The following CRHR2 variants were observed in gnomAD, a reference collection of about 807,000 sequenced individuals.
CRHR2 encodes the protein corticotropin-releasing hormone receptor 2.
Under a neutral mutation model 57.9 loss-of-function variants are expected in CRHR2, and 53 were observed. That is an observed-to-expected ratio of 0.92 (90% CI 0.73 to 1.15). The LOEUF (loss-of-function observed/expected upper bound fraction) is 1.15, where lower values mean the gene tolerates loss of function less well. Ranked by LOEUF, CRHR2 falls within the 50% of genes most tolerant of loss-of-function variation. The probability of loss-of-function intolerance (pLI) is 0.00; values close to 1 mark genes in which losing one functional copy is unlikely to be tolerated. For missense variants in CRHR2, 532 were observed against 542.6 expected (o/e 0.98, Z 0.19); for synonymous variants, 213 against 220.9 (o/e 0.96, Z 0.32).
chr7:30,669,923 C>T (rs1157471485), intron 2 of CRHR2, among the ~76,000 whole-genome samples: 1 of 152,096 alleles, frequency 6.6e-6, no homozygotes, highest in African/African-American at 2.4e-5. Context: ...CCTTCTTACC[C>T]ACTGCTCACG....
chr7:30,661,210 G>A (rs878908879), intron 7 of CRHR2, among the ~76,000 whole-genome samples: 1 of 152,192 alleles, frequency 6.6e-6, no homozygotes, highest in Admixed American at 6.5e-5. Flanking sequence ...TTCATTCTCC[G>A]GGGATGCTGG....
chr7:30,699,893 G>C, intron 1 of CRHR2: 1 of 1,417,024 alleles, frequency 7.1e-7, no homozygotes, highest in Non-Finnish European at 9.4e-7. Context: ...AGAGCTGGGA[G>C]CTCCGTGCTC....
Position 30,653,554 on chromosome 7 carries a change from T to C in CRHR2, c.1142A>G (p.His381Arg). Residue 381 changes from histidine (H) to arginine (R), a missense_variant, in exon 12 of 12, where the codon CAC becomes CGC. Physicochemically the swap from His to Arg is conservative, Grantham distance 29. Transcript: ENST00000471646. This position sits in a 1 kb window ranked among gnomAD's most constrained non-coding sequence, Gnocchi z 5.0. ...RKRWHRWQDH[H>R]SLRVPMARAM... ...CCGGGCCATGGGGACTCGAAGGGAG[T>C]GATGGTCCTGCCAGCGGTGCCACCT... 1 of 1,612,472 alleles carries C rather than the reference T, an allele frequency of 6.2e-7. No individual in the cohort carries two copies. Among genetic ancestry groups the C allele is most frequent in the Non-Finnish European group, 8.5e-7 (1 of 1,179,718 alleles).
At chr7:30,686,840 T>C (rs988376450), upstream of CRHR2, among the ~76,000 whole-genome samples, 1 of 152,234 alleles carries the variant, frequency 6.6e-6, no homozygotes, top group Non-Finnish European at 1.5e-5. Context: ...TACAATTGAA[T>C]TGATCATAGA....
At chr7:30,677,075 AGGACC>A (rs1447241063) in intron 2 of CRHR2, among the ~76,000 whole-genome samples, 3 of 152,224 alleles carry the variant, frequency 2.0e-5, no homozygotes, top group African/African-American at 7.2e-5. Flanking sequence ...TGCAGCCAAA[AGGACC>A]GTAGGGACAG....
chr7:30,687,899 G>A lies in CRHR2; in HGVS notation c.-166-1284C>T, dbSNP rs117721971. On this transcript the variant is annotated intron_variant, in intron 2 of 13. Coordinates refer to the CRHR2 transcript ENST00000341843. Reference sequence around the variant, plus strand: ...CTGATGCTGGCATGGCCTGTGCTAGGTGTCCCCGTGGGCTCTCATTCAGCC... The same window carrying A: ...CTGATGCTGGCATGGCCTGTGCTAGATGTCCCCGTGGGCTCTCATTCAGCC... Among the ~76,000 whole-genome samples, 832 of 152,344 alleles carry A rather than the reference G, an allele frequency of 5.5e-3. 3 individuals are homozygous for A. The highest frequency in any genetic ancestry group is 9.2e-3 in the Non-Finnish European group (624 of 68,036).
chr7:30,679,705 G>A (rs1052897120), intron 2 of CRHR2, among the ~76,000 whole-genome samples: 3 of 152,190 alleles, frequency 2.0e-5, no homozygotes, highest in African/African-American at 7.2e-5. Flanking sequence ...GAACGCTCCT[G>A]TTCTTCCCCT....
exon 2 of CRHR2, chr7:30,689,283 G>C: frequency 1.3e-6 from 2 of 1,550,206 alleles, no homozygotes; most frequent in Non-Finnish European, 1.7e-6. Context: ...CTGCCCGGCT[G>C]CCTAGGGGAC....
chr7:30,661,142 G>C (rs1017841459), intron 7 of CRHR2, among the ~76,000 whole-genome samples: 15 of 152,222 alleles, frequency 9.9e-5, no homozygotes, highest in African/African-American at 3.6e-4. Context: ...GCCAATGCTT[G>C]TGCACCCAGT....
chr7:30,678,103 C>A (rs997982744), intron 2 of CRHR2, among the ~76,000 whole-genome samples: 1 of 152,200 alleles, frequency 6.6e-6, no homozygotes. Flanking sequence ...AGGGCCAGCT[C>A]TGCCCTGTGT....
chr7:30,658,053 TG>T (rs767038164), intron 8 of CRHR2, among the ~76,000 whole-genome samples: 8 of 152,336 alleles, frequency 5.3e-5, no homozygotes, highest in Admixed American at 2.0e-4. Flanking sequence ...TTTAGTTATG[TG>T]GCCCCACTCA....
chr7:30,655,393 T>C (rs1783743850), intron 10 of CRHR2, among the ~76,000 whole-genome samples, 187 bp downstream of exon 10: 1 of 152,174 alleles, frequency 6.6e-6, no homozygotes. Context: ...GCTGGTAGGA[T>C]GAAGACCCAG....
In CRHR2 at chr7:30,655,198, G is replaced by T. The variant is rs1783735941; in HGVS notation, c.1054-118C>A. On this transcript the variant is annotated intron_variant, in intron 10 of 11. Coordinates refer to ENST00000471646, the MANE Select transcript of CRHR2 (RefSeq NM_001883.5). ...GGGACAATTTGACCCAGGAACCCCT[G>T]GAGTCAGAGCTGGGTGGGGTCCTAG... The T allele has an allele frequency of 2.0e-5, 24 of 1,182,184 alleles. No homozygotes were observed. The South Asian group carries it at 3.4e-4, about 17-fold the overall frequency. The allele number at this position is 1,182,184 out of a possible 1,614,324, so 73.2% of individuals were successfully genotyped here. A position where few individuals can be genotyped will look rare whatever the true frequency, so the allele number is the denominator to read the frequency against.
intron 5 of CRHR2, 39 bp from the exon 6 acceptor site, chr7:30,662,886 G>T (rs753008930): frequency 2.2e-5 from 35 of 1,607,648 alleles, no homozygotes; most frequent in Non-Finnish European, 3.0e-5. Context: ...AGGCAGCTTG[G>T]GGCCCAGGTA....
upstream of CRHR2, chr7:30,686,351 G>T (rs1474243093): frequency 6.6e-7 from 1 of 1,503,968 alleles, no homozygotes; most frequent in African/African-American, 1.4e-5. Context: ...GAATGCTCTA[G>T]ACTTCAGCCC....
chr7:30,655,185 C>A lies in CRHR2; in HGVS notation c.1054-105G>T, dbSNP rs934853465. 6.9e-6 allele frequency: 9 copies of A among 1,295,100 alleles called. 1 individual carries two copies. The Admixed American group carries it at 1.8e-4, about 27-fold the overall frequency. The allele number at this position is 1,295,100 out of a possible 1,614,324, so 80.2% of individuals were successfully genotyped here. On this transcript the variant is annotated intron_variant, in intron 10 of 11. Coordinates refer to ENST00000471646, the MANE Select transcript of CRHR2 (RefSeq NM_001883.5). ...AGATGGTGGGGGGGGGACAATTTGA[C>A]CCAGGAACCCCTGGAGTCAGAGCTG... is the stretch of plus-strand genomic sequence containing the variant.
At position 30,662,759 on chromosome 7, in the gene CRHR2, G is replaced by A. The variant is rs778651155; in HGVS notation, c.632C>T (p.Thr211Met). ...WMFVEGCYLHTAIVMTYSTER... is the reference protein window; with the variant it reads ...WMFVEGCYLHMAIVMTYSTER... ...AGTGGAGTAGGTCATGACAATGGCC[G>A]TGTGCAGGTAGCAGCCTTCCACAAA... Residue 211 changes from threonine (T) to methionine (M), a missense_variant, in exon 6 of 12, where the codon ACG becomes ATG. Physicochemically the swap from Thr to Met is moderately conservative, Grantham distance 81 (BLOSUM62 -1). Coordinates refer to ENST00000471646, the MANE Select transcript of CRHR2 (RefSeq NM_001883.5). The A allele has an allele frequency of 5.5e-5, 89 of 1,614,094 alleles. No individual in the cohort carries two copies. The highest frequency in any genetic ancestry group is 6.7e-5 in the Admixed American group (4 of 60,010).
intron 3 of CRHR2, among the ~76,000 whole-genome samples, chr7:30,666,549 C>T (rs373742048): frequency 1.3e-5 from 2 of 152,218 alleles, no homozygotes; most frequent in African/African-American, 2.4e-5. Context: ...CCTGCAGAAC[C>T]CCTGTGGCTC....
intron 6 of CRHR2, 104 bp from the exon 7 acceptor site, chr7:30,662,320 C>T (rs1431458244): frequency 2.9e-6 from 4 of 1,357,018 alleles, no homozygotes; most frequent in Non-Finnish European, 4.2e-6. Flanking sequence ...TGTTTTTACT[C>T]TTCCAACAGC....
Sources: allele counts gnomAD v4.1 joint callset (sites outside exome capture counted in the v4.1 genomes callset), GRCh38; gene constraint gnomAD v4.1.1; non-coding constraint Gnocchi (gnomAD v3.1); transcripts MANE v1.5; gene names NCBI Gene and HGNC (gene_info 2026-07-23, HGNC 2026-07-21).